The following RCAN2 variants were observed in gnomAD, a reference collection of about 807,000 sequenced individuals.
RCAN2 encodes the protein regulator of calcineurin 2, also known as calcipressin-2.
In RCAN2, 9 loss-of-function variants were observed where a neutral mutation model predicts 23.6. That is an observed-to-expected ratio of 0.38 (90% CI 0.23 to 0.67). RCAN2 has a LOEUF of 0.67. RCAN2 is among the 30% of genes least tolerant of loss of function. RCAN2 has a pLI of 0.51. For synonymous variants in RCAN2, 109 were observed against 115.7 expected, an observed-to-expected ratio of 0.94 and a Z score of 0.37; for missense variants, 273 against 302.3, an observed-to-expected ratio of 0.90 and a Z score of 0.72.
intron 2 of RCAN2, among the ~76,000 whole-genome samples, chr6:46,253,927 G>A (rs1394978385): frequency 6.6e-6 from 1 of 152,156 alleles, no homozygotes; most frequent in East Asian, 1.9e-4. Context: ...CTGTACCATA[G>A]AGCTTGGATG....
intron 2 of RCAN2, among the ~76,000 whole-genome samples, chr6:46,348,943 C>T (rs1469185666): frequency 6.6e-6 from 1 of 152,128 alleles, no homozygotes; most frequent in African/African-American, 2.4e-5. Flanking sequence ...CCCAAATTGT[C>T]TGCCACCTAC....
In RCAN2 at chr6:46,236,250, C is replaced by T. The variant is rs74402394; in HGVS notation, c.571+10498G>A. Among the ~76,000 whole-genome samples the T allele has an allele frequency of 3.6e-3, 547 of 152,326 alleles. 2 individuals carry two copies. Among genetic ancestry groups the T allele is most frequent in the Admixed American group, 9.0e-3 (137 of 15,296 alleles). On this transcript the variant is annotated intron_variant, in intron 4 of 4. Coordinates refer to ENST00000371374, the MANE Select transcript of RCAN2 (RefSeq NM_001251974.2). Reference sequence around the variant, plus strand: ...GTGAACGATAACAGGCTGCATCCCACGGTAGTGGGTATCATATAATCTGGT... The same window carrying T: ...GTGAACGATAACAGGCTGCATCCCATGGTAGTGGGTATCATATAATCTGGT...
intron 2 of RCAN2, among the ~76,000 whole-genome samples, chr6:46,267,178 T>C (rs929512732): frequency 6.6e-6 from 1 of 152,242 alleles, no homozygotes; most frequent in Non-Finnish European, 1.5e-5. Flanking sequence ...CTAATTCATA[T>C]ATTTGCCAAG....
chr6:46,479,975 T>C (rs1768812456), intron 1 of RCAN2, among the ~76,000 whole-genome samples: 1 of 152,338 alleles, frequency 6.6e-6, no homozygotes, highest in South Asian at 2.1e-4. Flanking sequence ...AAGTCCATTG[T>C]TCATTCCCAT....
chr6:46,225,152 T>A (rs1288256299), intron 4 of RCAN2, among the ~76,000 whole-genome samples: 2 of 152,236 alleles, frequency 1.3e-5, no homozygotes, highest in African/African-American at 4.8e-5. Context: ...ATGGTGCATA[T>A]GTGCCACCTT....
At chr6:46,468,698 C>T (rs375085924) in intron 1 of RCAN2, 64 of 528,476 alleles carry the variant, frequency 1.2e-4, no homozygotes, top group African/African-American at 9.9e-4. Flanking sequence ...GCTGTGCTGA[C>T]GAGACAAATG....
At chr6:46,400,843 G>A (rs1452843968) in intron 2 of RCAN2, among the ~76,000 whole-genome samples, 1 of 152,150 alleles carries the variant, frequency 6.6e-6, no homozygotes, top group Admixed American at 6.5e-5. Flanking sequence ...TATCTTGGTT[G>A]CTATTCCCTA....
At chr6:46,340,633 C>T (rs941996273) in intron 2 of RCAN2, among the ~76,000 whole-genome samples, 5 of 152,208 alleles carry the variant, frequency 3.3e-5, no homozygotes, top group African/African-American at 9.6e-5. Context: ...CTTCAACCCC[C>T]TCTTCTATCA....
chr6:46,425,006 C>G (rs953928177), intron 2 of RCAN2, among the ~76,000 whole-genome samples: 1 of 152,140 alleles, frequency 6.6e-6, no homozygotes, highest in Non-Finnish European at 1.5e-5. Context: ...ATAATACATA[C>G]CAAGTAATGA....
At chr6:46,325,964 T>A (rs1395293332) in intron 2 of RCAN2, 1 of 812,368 alleles carries the variant, frequency 1.2e-6, no homozygotes, top group Non-Finnish European at 1.5e-6. Flanking sequence ...CAGATGAGCC[T>A]CCTGAGGTTA....
intron 2 of RCAN2, among the ~76,000 whole-genome samples, chr6:46,267,507 C>T (rs1644076180): frequency 6.6e-6 from 1 of 151,954 alleles, no homozygotes; most frequent in African/African-American, 2.4e-5. Flanking sequence ...ATAGGAAGAC[C>T]CCATCTCTGC....
intron 2 of RCAN2, among the ~76,000 whole-genome samples, chr6:46,410,642 A>C (rs939706678): frequency 3.9e-5 from 6 of 152,230 alleles, no homozygotes; most frequent in Admixed American, 3.9e-4. Flanking sequence ...ATATTTACAG[A>C]ATGTCTATTC....
chr6:46,245,853 T>C (rs1766493303), intron 4 of RCAN2, among the ~76,000 whole-genome samples: 1 of 152,178 alleles, frequency 6.6e-6, no homozygotes, highest in African/African-American at 2.4e-5. Context: ...GCAGACATAA[T>C]GGCCATTAGT....
rs913076507 is a variant in RCAN2 at position 46,398,864 on chromosome 6, A to G, written c.225+57888T>C. ...AATGGGTGCATTATAGTGTTTATTT[A>G]TAGTTTTTACTGTATTTGATTTGTA... On this transcript the variant is annotated intron_variant, in intron 2 of 4. Coordinates refer to ENST00000371374, the MANE Select transcript of RCAN2 (RefSeq NM_001251974.2). 2.0e-5 allele frequency among the ~76,000 whole-genome samples: 3 copies of G among 151,840 alleles called. No individual in the cohort carries two copies. In the East Asian group the frequency reaches 5.8e-4, roughly 29 times the overall value.
At chr6:46,232,828 G>C (rs1364598612) in intron 4 of RCAN2, among the ~76,000 whole-genome samples, 1 of 150,684 alleles carries the variant, frequency 6.6e-6, no homozygotes, top group East Asian at 1.9e-4. Flanking sequence ...ACCAGTATAG[G>C]GAAGCAAACC....
At chr6:46,315,841 C>A (rs1437637390) in intron 2 of RCAN2, among the ~76,000 whole-genome samples, 2 of 152,198 alleles carry the variant, frequency 1.3e-5, no homozygotes, top group Non-Finnish European at 2.9e-5. Context: ...TTTATCCAGG[C>A]CCCTCATTTC....
At chr6:46,454,271 T>C (rs1214420012) in intron 2 of RCAN2, among the ~76,000 whole-genome samples, 1 of 152,210 alleles carries the variant, frequency 6.6e-6, no homozygotes, top group Non-Finnish European at 1.5e-5. Context: ...GATTTTATCA[T>C]AATAGTTTTT....
chr6:46,290,138 GA>G (rs537517550), intron 2 of RCAN2, among the ~76,000 whole-genome samples: 2,335 of 146,110 alleles, frequency 0.016, 50 homozygotes, highest in African/African-American at 0.054. Flanking sequence ...CAGTGATGCA[GA>G]AAAAAAAAAA....
chr6:46,281,000 C>T (rs77614055), intron 2 of RCAN2, among the ~76,000 whole-genome samples: 39 of 152,254 alleles, frequency 2.6e-4, no homozygotes, highest in African/African-American at 4.3e-4. Flanking sequence ...TTCTAGAGTA[C>T]GCATTAGCCA....
Sources: allele counts gnomAD v4.1 joint callset (sites outside exome capture counted in the v4.1 genomes callset), GRCh38; gene constraint gnomAD v4.1.1; transcripts MANE v1.5; gene names NCBI Gene and HGNC (gene_info 2026-07-23, HGNC 2026-07-21).